EHHADH: variants seen among roughly 807,000 people sequenced by gnomAD.
EHHADH encodes peroxisomal bifunctional enzyme.
Under a neutral mutation model 64.4 loss-of-function variants are expected in EHHADH, and 48 were observed. That is an observed-to-expected ratio of 0.75 (90% CI 0.59 to 0.95). EHHADH has a LOEUF of 0.95. Ranked by LOEUF, EHHADH falls within the 40% of genes least tolerant of loss-of-function variation. EHHADH has a pLI of 0.00. For missense variants in EHHADH, 854 were observed against 876.6 expected (o/e 0.97, Z 0.33); for synonymous variants, 308 against 326.7 (o/e 0.94, Z 0.62).
chr3:185,243,578 T>A (rs1719513946), intron 2 of EHHADH, among the ~76,000 whole-genome samples: 1 of 152,210 alleles, frequency 6.6e-6, no homozygotes, highest in South Asian at 2.1e-4. Flanking sequence ...CTGCCTTGAT[T>A]TCCTCATTTA....
chr3:185,250,605 A>G (rs1182762720), intron 1 of EHHADH, among the ~76,000 whole-genome samples: 1 of 152,250 alleles, frequency 6.6e-6, no homozygotes, highest in African/African-American at 2.4e-5. Flanking sequence ...AAATTTTAAA[A>G]CAAAACAAAC....
At chr3:185,222,113 C>T (rs896045824) in intron 4 of EHHADH, among the ~76,000 whole-genome samples, 1 of 151,970 alleles carries the variant, frequency 6.6e-6, no homozygotes, top group Non-Finnish European at 1.5e-5. Flanking sequence ...GATGTGGTGG[C>T]TCACACCTGT....
intron 3 of EHHADH, among the ~76,000 whole-genome samples, chr3:185,233,796 C>G (rs1335418136): frequency 1.3e-5 from 2 of 152,122 alleles, no homozygotes; most frequent in Admixed American, 6.5e-5. Flanking sequence ...CAGGCGCCTG[C>G]CAGCATGCCC....
At chr3:185,226,160 A>G (rs937843098) in intron 4 of EHHADH, among the ~76,000 whole-genome samples, 2 of 152,166 alleles carry the variant, frequency 1.3e-5, no homozygotes, top group Non-Finnish European at 2.9e-5. Flanking sequence ...AGCCAATAGG[A>G]GAGTTTAGAA....
intron 5 of EHHADH, among the ~76,000 whole-genome samples, chr3:185,215,874 G>T (rs4687145): frequency 8.6e-5 from 13 of 152,002 alleles, no homozygotes; most frequent in African/African-American, 2.7e-4. Context: ...CTCTATACAC[G>T]ATTATATACT....
At chr3:185,243,317 C>A (rs973064938) in intron 2 of EHHADH, among the ~76,000 whole-genome samples, 3 of 152,136 alleles carry the variant, frequency 2.0e-5, no homozygotes, top group African/African-American at 7.2e-5. Context: ...CTAAAATTCA[C>A]GACATGAGCC....
At chr3:185,209,354 TA>T (rs1718479126) in intron 5 of EHHADH, among the ~76,000 whole-genome samples, 1 of 152,180 alleles carries the variant, frequency 6.6e-6, no homozygotes, top group Admixed American at 6.5e-5. Context: ...GGTACTATTT[TA>T]AAAAATAACT....
chr3:185,245,444 A>G (rs1424514105), intron 2 of EHHADH: 2 of 850,784 alleles, frequency 2.4e-6, no homozygotes, highest in Non-Finnish European at 3.5e-6. Flanking sequence ...GCTTTGAAAA[A>G]TCAGTGATTA....
chr3:185,230,574 A>G (rs1719124485), intron 3 of EHHADH, among the ~76,000 whole-genome samples: 2 of 152,050 alleles, frequency 1.3e-5, no homozygotes, highest in African/African-American at 4.8e-5. Context: ...GAGACCACAT[A>G]TCATATGATT....
At position 185,192,642 on chromosome 3, in the gene EHHADH, A is replaced by G. The variant is rs200786258; in HGVS notation, c.1756T>C (p.Leu586=). Residue 586 remains leucine (L), a synonymous_variant, in exon 7 of 7, where the codon TTG becomes CTG. Coordinates refer to ENST00000231887, the MANE Select transcript of EHHADH (RefSeq NM_001966.4). ...GKGWYQYDKP[L]GRIHKPDPWL... is the part of the protein sequence containing the mutation. ...GGATCAGGTTTGTGAATCCTACCCA[A>G]TGGCTTGTCATATTGATACCAACCC... The G allele has an allele frequency of 3.0e-5, 49 of 1,614,178 alleles. No individual in the cohort carries two copies. The South Asian group carries it at 5.3e-4, about 17-fold the overall frequency.
In EHHADH at chr3:185,229,510, G is replaced by T. The variant is rs147050936; in HGVS notation, c.385C>A (p.Leu129Ile). ...TGGGTTCCTCTTGCACCAGGGAGAA[G>T]TCCCAGTGTAACTTCTGGTAAGCCA... ...QVGLPEVTLG[L>I]LPGARGTQLL... The change falls in exon 4 of 7, where the codon CTT (leucine) becomes ATT (isoleucine). Residue 129 changes from leucine to isoleucine, a missense_variant. By Grantham distance (5) the Leu-to-Ile change is conservative. Coordinates refer to ENST00000231887, the MANE Select transcript of EHHADH (RefSeq NM_001966.4). 1.1e-3 allele frequency: 1,700 copies of T among 1,573,962 alleles called. 31 individuals carry two copies. In the South Asian group the frequency reaches 0.017, roughly 16 times the overall value.
In EHHADH at chr3:185,244,373, G is replaced by A. The variant is rs138284789; in HGVS notation, c.178+4041C>T. ...TATTGATATATGAGGGTTTGTTTCC[G>A]TCATAATATTGTTACCTAGTTGCTT... On this transcript the variant is annotated intron_variant, in intron 2 of 6. Transcript: ENST00000231887. 1.5e-3 allele frequency among the ~76,000 whole-genome samples: 231 copies of A among 152,190 alleles called. 2 individuals are homozygous for A. Among genetic ancestry groups the A allele is most frequent in the African/African-American group, 2.8e-3 (116 of 41,526 alleles).
At chr3:185,253,062 T>C (rs1316696268) in intron 1 of EHHADH, 1 of 153,086 alleles carries the variant, frequency 6.5e-6, no homozygotes, top group Non-Finnish European at 1.5e-5. Context: ...AAAAAGAAGA[T>C]AAGGTGCAAT....
chr3:185,241,610 T>C (rs956804062), intron 2 of EHHADH, among the ~76,000 whole-genome samples: 2 of 152,194 alleles, frequency 1.3e-5, no homozygotes, highest in African/African-American at 4.8e-5. Context: ...CTTTTGAGAA[T>C]TGTCTATTCA....
In EHHADH at chr3:185,192,385, C is replaced by T; in HGVS notation, c.2013G>A (p.Gly671=). 1 of 1,614,192 alleles carries T rather than the reference C, an allele frequency of 6.2e-7. No homozygotes were observed. Among genetic ancestry groups the T allele is most frequent in the Non-Finnish European group, 8.5e-7 (1 of 1,180,040 alleles). Residue 671 remains glycine (G), a synonymous_variant, in exon 7 of 7, where the codon GGG becomes GGA. Coordinates refer to ENST00000231887, the MANE Select transcript of EHHADH (RefSeq NM_001966.4). ...GGPMFYASTV[G]LPTVLEKLQK... is the part of the protein sequence containing the mutation. ...GCAATTTCTCTAGAACTGTGGGCAA[C>T]CCAACTGTGGAAGCATAGAACATGG... is the stretch of plus-strand genomic sequence containing the variant.
intron 2 of EHHADH, among the ~76,000 whole-genome samples, chr3:185,240,503 G>A (rs904582844): frequency 5.3e-5 from 8 of 151,322 alleles, no homozygotes; most frequent in Admixed American, 3.3e-4. Flanking sequence ...TTGGGAGGTT[G>A]TATGTTTACA....
intron 2 of EHHADH, chr3:185,245,888 A>G (rs1173276199): frequency 1.8e-6 from 2 of 1,132,840 alleles, no homozygotes; most frequent in Non-Finnish European, 2.7e-6. Flanking sequence ...CTTTTCCCTC[A>G]TGATGTTGAA....
intron 5 of EHHADH, among the ~76,000 whole-genome samples, chr3:185,211,729 A>G (rs1718545981): frequency 6.6e-6 from 1 of 152,252 alleles, no homozygotes; most frequent in Non-Finnish European, 1.5e-5. Context: ...TAGGCCTCCT[A>G]TGTAAGGCAG....
chr3:185,236,253 G>A (rs567699281), intron 2 of EHHADH, among the ~76,000 whole-genome samples: 1 of 152,120 alleles, frequency 6.6e-6, no homozygotes, highest in Non-Finnish European at 1.5e-5. Context: ...TCACAGGAGC[G>A]TGAACCCTAT....
Sources: gnomAD v4.1 joint callset for allele counts (sites outside exome capture counted in the v4.1 genomes callset) on GRCh38, gnomAD v4.1.1 for gene constraint, MANE v1.5 for transcripts, NCBI Gene and HGNC (gene_info 2026-07-23, HGNC 2026-07-21) for gene names.